Variants in DMD observed in about 807,000 individuals in gnomAD.
The protein encoded by DMD is mutant dystrophin.
DMD carries 63 observed loss-of-function variants against 330.1 expected under a neutral mutation model. The observed-to-expected ratio is 0.19, with a 90% CI of 0.16 to 0.24. The LOEUF (loss-of-function observed/expected upper bound fraction) is 0.24, where lower values mean the gene tolerates loss of function less well. Among genes scored for constraint, DMD ranks in the 10% least tolerant of loss-of-function variants. The pLI is 1.00. For synonymous variants in DMD, 1,223 were observed against 959.8 expected (o/e 1.27, Z -5.07); for missense variants, 3,344 against 2,684.1 (o/e 1.25, Z -5.43).
intron 50 of DMD, among the ~76,000 whole-genome samples, chrX:31,803,201 T>C (rs2149356584): frequency 8.9e-6 from 1 of 111,799 alleles, no homozygotes; most frequent in Non-Finnish European, 1.9e-5. Context: ...GAGAAGTCCC[T>C]TAGATAGAAA....
At chrX:31,416,955 A>T (rs2061901757) in intron 60 of DMD, among the ~76,000 whole-genome samples, 1 of 112,379 alleles carries the variant, frequency 8.9e-6, no homozygotes, top group African/African-American at 3.2e-5. Context: ...CAGCAAGAAC[A>T]GAGACTGAAA....
chrX:31,397,139 A>G (rs919338283), intron 60 of DMD, among the ~76,000 whole-genome samples: 1 of 112,232 alleles, frequency 8.9e-6, no homozygotes, highest in Admixed American at 9.4e-5. Flanking sequence ...TGACTGTTTT[A>G]TCATAGCTAA....
chrX:31,728,219 G>T (rs2086222285), intron 52 of DMD, among the ~76,000 whole-genome samples: 1 of 111,508 alleles, frequency 9.0e-6, no homozygotes, highest in Non-Finnish European at 1.9e-5. Flanking sequence ...TAGAGACGGG[G>T]TTTCACCGTG....
intron 19 of DMD, among the ~76,000 whole-genome samples, chrX:32,500,985 A>G (rs113974220): frequency 9.4e-4 from 106 of 112,274 alleles, no homozygotes; most frequent in African/African-American, 3.2e-3. Context: ...CGTCTTCTAC[A>G]AAATGAAAAA....
In DMD at chrX:31,627,943, G is replaced by A. The variant is rs2078934355; in HGVS notation, c.8028-81C>T. ...GTGAACTCCATAAAAAGAGAAAGAT[G>A]GAGGAACTAAATTGTAATATACCAA... On this transcript the variant is annotated intron_variant, in intron 54 of 78. Transcript: ENST00000357033. The A allele has an allele frequency of 4.2e-6, 4 of 960,826 alleles. No individual in the cohort carries two copies. In the South Asian group the frequency reaches 8.3e-5, roughly 20 times the overall value. The allele number at this position is 960,826 out of a possible 1,213,427, so 79.2% of individuals were successfully genotyped here. A position where few individuals can be genotyped will look rare whatever the true frequency, so the allele number is the denominator to read the frequency against.
chrX:31,582,648 A>G (rs2076394772), intron 55 of DMD, among the ~76,000 whole-genome samples: 1 of 111,606 alleles, frequency 9.0e-6, no homozygotes, highest in African/African-American at 3.3e-5. Context: ...CATTTTATGT[A>G]CCTTACTCTC....
At chrX:31,437,633 CTTCA>C (rs1272705014) in intron 60 of DMD, among the ~76,000 whole-genome samples, 1 of 110,782 alleles carries the variant, frequency 9.0e-6, no homozygotes, top group Non-Finnish European at 1.9e-5. Flanking sequence ...AACAGGCTCA[CTTCA>C]TTCATTTTCA....
At chrX:32,691,429 A>G (rs755644833) in intron 9 of DMD, among the ~76,000 whole-genome samples, 5 of 111,606 alleles carry the variant, frequency 4.5e-5, no homozygotes, top group East Asian at 5.6e-4. Flanking sequence ...TATGTTCAAC[A>G]TTATGAATTA....
intron 47 of DMD, among the ~76,000 whole-genome samples, chrX:31,903,211 A>G: frequency 9.0e-6 from 1 of 111,553 alleles, no homozygotes; most frequent in Admixed American, 9.6e-5. Context: ...TACCAATGAG[A>G]TATTTTATTT....
At chrX:33,180,723 A>G (rs1457769928) in intron 1 of DMD, among the ~76,000 whole-genome samples, 1 of 111,459 alleles carries the variant, frequency 9.0e-6, no homozygotes, top group Non-Finnish European at 1.9e-5. Flanking sequence ...AGTCAATTAC[A>G]AGTAATCCTA....
intron 1 of DMD, among the ~76,000 whole-genome samples, chrX:33,277,119 C>T (rs967414209): frequency 3.4e-4 from 38 of 111,456 alleles, no homozygotes; most frequent in African/African-American, 1.1e-3. Flanking sequence ...GGCCACCTGC[C>T]ACCTTCCCCC....
chrX:32,789,723 G>A (rs759475054), intron 7 of DMD, among the ~76,000 whole-genome samples: 2 of 110,524 alleles, frequency 1.8e-5, no homozygotes, highest in East Asian at 2.8e-4. Flanking sequence ...TGGAATTGTT[G>A]TGTACAAGAC....
intron 7 of DMD, among the ~76,000 whole-genome samples, chrX:32,740,756 G>C (rs2069147118): frequency 9.0e-6 from 1 of 110,961 alleles, no homozygotes; most frequent in Admixed American, 9.6e-5. Context: ...CCATGTGTAG[G>C]ACACTGTTTT....
At chrX:32,005,564 A>G (rs2095655686) in intron 44 of DMD, among the ~76,000 whole-genome samples, 2 of 110,801 alleles carry the variant, frequency 1.8e-5, no homozygotes, top group African/African-American at 3.3e-5. Context: ...TTACTCAATG[A>G]GATGTTCCCT....
intron 60 of DMD, among the ~76,000 whole-genome samples, chrX:31,405,432 T>G (rs1353410997): frequency 8.9e-6 from 1 of 111,899 alleles, no homozygotes; most frequent in Non-Finnish European, 1.9e-5. Context: ...TTTGTCCCTT[T>G]AATAGAATGA....
chrX:31,473,316 C>T (rs746984389), intron 59 of DMD, among the ~76,000 whole-genome samples: 2 of 105,185 alleles, frequency 1.9e-5, no homozygotes, highest in African/African-American at 7.1e-5. Flanking sequence ...TGCAGTGAGC[C>T]GAGACAGCAC....
chrX:31,579,546 T>C (rs184858767), intron 55 of DMD, among the ~76,000 whole-genome samples: 38 of 112,330 alleles, frequency 3.4e-4, no homozygotes, highest in African/African-American at 1.2e-3. Flanking sequence ...TTTACCATGT[T>C]ACACAGATAA....
chrX:32,050,148 G>A (rs1023400601), intron 44 of DMD, among the ~76,000 whole-genome samples: 6 of 111,181 alleles, frequency 5.4e-5, no homozygotes, highest in Non-Finnish European at 7.6e-5. Context: ...GTGCAGGTCC[G>A]GAAATGTTCA....
rs188892309 is a variant in DMD, at chrX:32,889,722, G to A, written c.94-39902C>T. 4.4e-3 allele frequency among the ~76,000 whole-genome samples: 482 copies of A among 110,415 alleles called. 1 individual carries two copies. Among genetic ancestry groups the A allele is most frequent in the Non-Finnish European group, 6.2e-3 (328 of 52,829 alleles). ...ATCCACCCCCTGCTCGCAAAACATCGCTCCTAACTCCACCGCCTATCCCAA... is the reference window on the plus strand; with the variant it reads ...ATCCACCCCCTGCTCGCAAAACATCACTCCTAACTCCACCGCCTATCCCAA... On this transcript the variant is annotated intron_variant, in intron 2 of 78. Transcript: ENST00000357033.
Sources: allele counts gnomAD v4.1 joint callset (sites outside exome capture counted in the v4.1 genomes callset), GRCh38; gene constraint gnomAD v4.1.1; transcripts MANE v1.5; gene names NCBI Gene and HGNC (gene_info 2026-07-23, HGNC 2026-07-21).